The following ADAM17 variants were observed in gnomAD, a reference collection of about 807,000 sequenced individuals.
ADAM17 encodes ADAM metallopeptidase domain 17.
A neutral mutation model predicts 96.7 loss-of-function variants in ADAM17; 39 were observed. The observed-to-expected ratio is 0.40, with a 90% CI of 0.31 to 0.53. The LOEUF is 0.53. Among genes scored for constraint, ADAM17 ranks in the 20% least tolerant of loss-of-function variants. The probability of loss-of-function intolerance (pLI) is 0.44; values close to 1 mark genes in which losing one functional copy is unlikely to be tolerated. For synonymous variants in ADAM17, 344 were observed against 359.2 expected (o/e 0.96, Z 0.48); for missense variants, 777 against 1,013.2 (o/e 0.77, Z 3.17).
At chr2:9,553,377 A>T (rs1247376957) in intron 1 of ADAM17, among the ~76,000 whole-genome samples, 1 of 143,694 alleles carries the variant, frequency 7.0e-6, no homozygotes, top group Non-Finnish European at 1.5e-5. Flanking sequence ...TATTTCGTTT[A>T]AAAAAAAAAA....
chr2:9,510,567 G>A (rs544502740), intron 10 of ADAM17, among the ~76,000 whole-genome samples: 25 of 152,276 alleles, frequency 1.6e-4, no homozygotes, highest in Middle Eastern at 3.4e-3. Flanking sequence ...GGGAGGCTGA[G>A]GCAGGAGAAC....
At chr2:9,507,005 C>A (rs909865832) in intron 11 of ADAM17, 2 of 152,162 alleles carry the variant, frequency 1.3e-5, no homozygotes, top group Non-Finnish European at 2.9e-5. Context: ...TAAGAAGTTA[C>A]AATCTCAAAG....
At chr2:9,499,190 A>G (rs1257417247) in intron 13 of ADAM17, among the ~76,000 whole-genome samples, 2 of 144,938 alleles carry the variant, frequency 1.4e-5, no homozygotes, top group Non-Finnish European at 3.0e-5. Context: ...TCAGGAACTT[A>G]TCCTCTGCTA....
rs34525911 is a variant in ADAM17 at position 9,489,259 on chromosome 2, A to ATTTTTTTTTTTTTTTTTTTTTT, written c.*896_*917dup. On this transcript the variant is annotated 3_prime_UTR_variant, in exon 19 of 19. Coordinates refer to ENST00000310823, the MANE Select transcript of ADAM17 (RefSeq NM_003183.6). The stretch of plus-strand genomic sequence containing the variant: ...AATATTCTAGGTTTGTAGATAGTGA[A>ATTTTTTTTTTTTTTTTTTTTTT]TTTTTTTTTTTTTTTTTTTTTTTTG... 4.5e-4 allele frequency: 39 copies of ATTTTTTTTTTTTTTTTTTTTTT among 87,398 alleles called. 5 individuals carry two copies. Among genetic ancestry groups the ATTTTTTTTTTTTTTTTTTTTTT allele is most frequent in the African/African-American group, 2.4e-3 (37 of 15,528 alleles). The allele number at this position is 87,398 out of a possible 1,614,324, so 5.4% of individuals were successfully genotyped here.
chr2:9,517,849 G>T, intron 10 of ADAM17, 52 bp downstream of exon 10: 3 of 1,236,230 alleles, frequency 2.4e-6, no homozygotes, highest in Non-Finnish European at 2.2e-6. Context: ...TATAACTGAG[G>T]TTCTACTACA....
At chr2:9,507,582 C>T (rs1004026542) in intron 11 of ADAM17, among the ~76,000 whole-genome samples, 1 of 152,044 alleles carries the variant, frequency 6.6e-6, no homozygotes, top group Non-Finnish European at 1.5e-5. Flanking sequence ...CCTACTTGGG[C>T]AACCAAACTA....
chr2:9,519,737 G>C (rs1324022621), intron 8 of ADAM17, among the ~76,000 whole-genome samples: 1 of 152,120 alleles, frequency 6.6e-6, no homozygotes, highest in Non-Finnish European at 1.5e-5. Context: ...CTGAGGGAAG[G>C]ACCATGTGAG....
intron 6 of ADAM17, among the ~76,000 whole-genome samples, chr2:9,523,693 C>T (rs1204470738): frequency 6.6e-6 from 1 of 152,134 alleles, no homozygotes; most frequent in Non-Finnish European, 1.5e-5. Context: ...ATACAGTTGA[C>T]CCTTGAACAA....
intron 12 of ADAM17, among the ~76,000 whole-genome samples, chr2:9,504,175 G>C (rs6747020): frequency 5.9e-5 from 9 of 151,822 alleles, no homozygotes; most frequent in African/African-American, 2.2e-4. Flanking sequence ...GGCCAGGCAC[G>C]GTGGCTCCCC....
chr2:9,493,194 A>T (rs1336873697), intron 16 of ADAM17, among the ~76,000 whole-genome samples: 2 of 152,216 alleles, frequency 1.3e-5, no homozygotes, highest in Non-Finnish European at 2.9e-5. Flanking sequence ...ATACTGGCTG[A>T]CAGGAAGAGA....
At chr2:9,494,880 T>C in intron 14 of ADAM17, 113 bp from the exon 15 acceptor site, 2 of 1,365,228 alleles carry the variant, frequency 1.5e-6, no homozygotes, top group Non-Finnish European at 2.0e-6. Context: ...CACATTTATT[T>C]TTTATTTAAA....
intron 4 of ADAM17, among the ~76,000 whole-genome samples, chr2:9,530,295 C>CA (rs1271645064): frequency 6.6e-6 from 1 of 152,106 alleles, no homozygotes; most frequent in East Asian, 1.9e-4. Context: ...CTAGTATAGT[C>CA]AGTCCAGCAC....
chr2:9,522,539 G>T, intron 7 of ADAM17: 1 of 489,626 alleles, frequency 2.0e-6, no homozygotes, highest in South Asian at 3.6e-5. Context: ...TATAAACATG[G>T]TGAATGATTT....
At position 9,555,616 on chromosome 2, in the gene ADAM17, C is replaced by G. The variant is rs1348739249; in HGVS notation, c.-11G>C. The G allele has an allele frequency of 6.4e-7, 1 of 1,554,958 alleles. No homozygotes were observed. Among genetic ancestry groups the G allele is most frequent in the Admixed American group, 1.9e-5 (1 of 51,426 alleles). ...GAGAGACTGCCTCATGTTCCCGGCC[C>G]CGCTACCGACTCCACCTCTCTGGGC... On this transcript the variant is annotated 5_prime_UTR_variant, in exon 1 of 19. Coordinates refer to ENST00000310823, the MANE Select transcript of ADAM17 (RefSeq NM_003183.6).
At chr2:9,490,869 T>G (rs140991339) in intron 18 of ADAM17, among the ~76,000 whole-genome samples, 36 of 152,274 alleles carry the variant, frequency 2.4e-4, no homozygotes, top group African/African-American at 8.4e-4. Flanking sequence ...GCTAAATCAC[T>G]CCTTATGGCT....
intron 16 of ADAM17, 79 bp from the exon 17 acceptor site, chr2:9,493,065 A>G: frequency 8.4e-7 from 1 of 1,187,252 alleles, no homozygotes; most frequent in Non-Finnish European, 1.2e-6. Flanking sequence ...GGATATTACC[A>G]TTGTGTCAAA....
Position 9,502,230 on chromosome 2 carries a change from G to T in ADAM17, c.1591C>A (p.Gln531Lys). ...CCKNCQFETA[Q>K]KKCQEAINAT... Reference sequence around the variant, plus strand: ...TTAATCGCCTCCTGGCACTTCTTCTGGGCAGTCTCAAACTGACAGTTTTTA... The same window carrying T: ...TTAATCGCCTCCTGGCACTTCTTCTTGGCAGTCTCAAACTGACAGTTTTTA... The change falls in exon 13 of 19, where the codon CAG becomes AAG. Residue 531 changes from glutamine to lysine, a missense_variant. This residue lies in a region of ADAM17 where 446 missense variants were observed against 664.7 expected (regional missense o/e 0.67). Transcript: ENST00000310823. 1 of 1,614,016 alleles carries T rather than the reference G, an allele frequency of 6.2e-7. No homozygotes were observed. The highest frequency in any genetic ancestry group is 1.3e-5 in the African/African-American group (1 of 74,988).
Position 9,510,144 on chromosome 2 carries a change from G to C in ADAM17, c.1192-13C>G, listed in dbSNP as rs1424115417. The C allele has an allele frequency of 6.2e-7, 1 of 1,613,622 alleles. No individual in the cohort carries two copies. The highest frequency in any genetic ancestry group is 8.5e-7 in the Non-Finnish European group (1 of 1,179,884). ...CCAGGTCAGCTTCCTTAAGGATCAT[G>C]CAAAGAAAACATTATTTCTCAATAT... On this transcript the variant is annotated splice_polypyrimidine_tract_variant and intron_variant, in intron 10 of 18. Coordinates refer to ENST00000310823, the MANE Select transcript of ADAM17 (RefSeq NM_003183.6).
At chr2:9,499,776 A>G (rs762341118) in intron 13 of ADAM17, among the ~76,000 whole-genome samples, 5 of 152,220 alleles carry the variant, frequency 3.3e-5, no homozygotes, top group Admixed American at 6.5e-5. Context: ...GCAACATGTC[A>G]TACTATGCAC....
Sources: allele counts gnomAD v4.1 joint callset (sites outside exome capture counted in the v4.1 genomes callset), GRCh38; gene constraint gnomAD v4.1.1; regional missense constraint gnomAD v4.1.1; transcripts MANE v1.5; gene names NCBI Gene and HGNC (gene_info 2026-07-23, HGNC 2026-07-21).